Variants in NME5 observed in about 807,000 individuals in gnomAD.
NME5 encodes nucleoside diphosphate kinase 5.
In NME5, 18 loss-of-function variants were observed where a neutral mutation model predicts 21.6. The observed-to-expected ratio is 0.83, with a 90% CI of 0.58 to 1.24. The LOEUF is 1.24. Among genes scored for constraint, NME5 ranks in the 50% most tolerant of loss-of-function variants. NME5 has a pLI of 0.00. For synonymous variants in NME5, 70 were observed against 80.6 expected (o/e 0.87, Z 0.71); for missense variants, 223 against 255.4 (o/e 0.87, Z 0.86).
At chr5:138,136,697 C>CA (rs1264038503) in intron 2 of NME5, among the ~76,000 whole-genome samples, 22 of 151,940 alleles carry the variant, frequency 1.4e-4, no homozygotes, top group African/African-American at 5.3e-4. Flanking sequence ...GGCTGGAGCA[C>CA]AATGGCACGA....
chr5:138,115,771 G>GAAA lies in NME5; in HGVS notation c.556-10_556-8dup. ...GCCAATCAGCTAGCCAAATCTATGG[G>GAAA]AAAAAAAAAAACAACCTAAGTTAAG... On this transcript the variant is annotated splice_region_variant and splice_polypyrimidine_tract_variant and intron_variant, in intron 5 of 5. Coordinates refer to ENST00000265191, the MANE Select transcript of NME5 (RefSeq NM_003551.3). The GAAA allele has an allele frequency of 8.9e-6, 11 of 1,242,732 alleles. No individual in the cohort carries two copies. Among genetic ancestry groups the GAAA allele is most frequent in the South Asian group, 4.8e-5 (3 of 62,422 alleles). The allele number at this position is 1,242,732 out of a possible 1,614,324, so 77.0% of individuals were successfully genotyped here. A position where few individuals can be genotyped will look rare whatever the true frequency, so the allele number is the denominator to read the frequency against.
rs999433536 is a variant in NME5, at chr5:138,138,949, T to C, written c.-5-164A>G. On this transcript the variant is annotated intron_variant, in intron 1 of 5. Transcript: ENST00000265191. The stretch of plus-strand genomic sequence containing the variant: ...AGGTAGAAACTGCCATGTTTTTCTA[T>C]ATACAGGGTCTCAATAATAGGATTC... The C allele has an allele frequency of 5.3e-5, 34 of 636,434 alleles. No individual in the cohort carries two copies. The East Asian group carries it at 1.0e-3, about 19-fold the overall frequency. 39.4% of individuals were successfully genotyped at this position (636,434 alleles called of 1,614,324 possible).
chr5:138,123,621 A>T (rs1341443660), intron 4 of NME5, among the ~76,000 whole-genome samples: 1 of 152,154 alleles, frequency 6.6e-6, no homozygotes, highest in Non-Finnish European at 1.5e-5. Flanking sequence ...CCACTGATGG[A>T]CACTTAGGTT....
chr5:138,137,830 C>G (rs1235673308), intron 2 of NME5, among the ~76,000 whole-genome samples: 2 of 151,564 alleles, frequency 1.3e-5, no homozygotes, highest in East Asian at 3.9e-4. Context: ...AAAACCCCGT[C>G]TCTACTAAAA....
chr5:138,125,380 C>CCA (rs1751373547), intron 4 of NME5, among the ~76,000 whole-genome samples: 4 of 152,090 alleles, frequency 2.6e-5, no homozygotes, highest in Admixed American at 2.0e-4. Flanking sequence ...GGAAAAGAGA[C>CCA]CAGCCTGGGT....
chr5:138,119,771 C>T (rs1000609778), intron 4 of NME5, among the ~76,000 whole-genome samples: 8 of 151,950 alleles, frequency 5.3e-5, no homozygotes, highest in African/African-American at 1.9e-4. Context: ...ATTCTCCTGC[C>T]TCAGCCTCCT....
chr5:138,136,553 A>T (rs968982786), intron 2 of NME5, among the ~76,000 whole-genome samples: 1 of 151,970 alleles, frequency 6.6e-6, no homozygotes, highest in Non-Finnish European at 1.5e-5. Context: ...TGAGTTGCAA[A>T]TCTTTTTCCC....
rs70979581 is a variant in NME5 at position 138,122,441 on chromosome 5, TAAAAAAAAAAA to T, written c.437-3516_437-3506del. ...GGTGACAAGAGCGAAACTCTGTCTC[TAAAAAAAAAAA>T]AAAAAAAAAAAAAAAAATTGTGCCT... On this transcript the variant is annotated intron_variant, in intron 4 of 5. Coordinates refer to ENST00000265191, the MANE Select transcript of NME5 (RefSeq NM_003551.3). 1.1e-3 allele frequency among the ~76,000 whole-genome samples: 38 copies of T among 34,464 alleles called. 1 individual carries two copies. The highest frequency in any genetic ancestry group is 2.4e-3 in the Admixed American group (5 of 2,124). 22.6% of individuals were successfully genotyped at this position (34,464 alleles called of 152,430 possible).
intron 2 of NME5, among the ~76,000 whole-genome samples, chr5:138,134,322 C>A (rs887351603): frequency 6.6e-6 from 1 of 151,868 alleles, no homozygotes; most frequent in African/African-American, 2.4e-5. Context: ...CAGCTCACTG[C>A]AACCTCCGCC....
At chr5:138,129,131 C>T (rs1232866338) in intron 3 of NME5, 132 bp downstream of exon 3, 4 of 673,816 alleles carry the variant, frequency 5.9e-6, no homozygotes, top group African/African-American at 5.5e-5. Flanking sequence ...CCACCCTCTG[C>T]CCCCCAAAAA....
chr5:138,132,733 C>T (rs1581385605), intron 2 of NME5, among the ~76,000 whole-genome samples: 1 of 152,136 alleles, frequency 6.6e-6, no homozygotes, highest in African/African-American at 2.4e-5. Context: ...ACCTAGGTGG[C>T]ATAGCTCTGC....
intron 4 of NME5, chr5:138,123,239 T>A (rs1461682204): frequency 6.6e-6 from 1 of 152,222 alleles, no homozygotes; most frequent in Non-Finnish European, 1.5e-5. Flanking sequence ...ATACTTATCT[T>A]TTTTTGTGGT....
rs748852583 is a variant in NME5, at chr5:138,115,654, T to G, written c.*27A>C. 3 of 1,421,732 alleles carry G rather than the reference T, an allele frequency of 2.1e-6. No homozygotes were observed. The highest frequency in any genetic ancestry group is 2.9e-6 in the Non-Finnish European group (3 of 1,044,608). The allele number at this position is 1,421,732 out of a possible 1,614,324, so 88.1% of individuals were successfully genotyped here. A position where few individuals can be genotyped will look rare whatever the true frequency, so the allele number is the denominator to read the frequency against. On this transcript the variant is annotated 3_prime_UTR_variant, in exon 6 of 6. Transcript: ENST00000265191. ...CAGCCTTTTATAATAAGATAGTTCA[T>G]GATTTGTTCTTTCGAGGATTTTTTT...
chr5:138,127,574 A>G, intron 4 of NME5: 2 of 984,300 alleles, frequency 2.0e-6, no homozygotes, highest in South Asian at 4.7e-5. Flanking sequence ...ATTTTGCTCA[A>G]TGCTTTGCAT....
At position 138,129,330 on chromosome 5, in the gene NME5, T is replaced by A; in HGVS notation, c.268A>T (p.Ile90Phe). Reference sequence around the variant, plus strand: ...CCCAAAAGTTCTAACCAATAAGAGATGGCTTTATGTCTAGCTAATATCATG... The same window carrying A: ...CCCAAAAGTTCTAACCAATAAGAGAAGGCTTTATGTCTAGCTAATATCATG... ...VAMILARHKA[I>F]SYWLELLGPN... The change falls in exon 3 of 6, where the codon ATC (isoleucine) becomes TTC (phenylalanine). Residue 90 changes from isoleucine (I) to phenylalanine (F), a missense_variant. Coordinates refer to ENST00000265191, the MANE Select transcript of NME5 (RefSeq NM_003551.3). 3 of 1,614,068 alleles carry A rather than the reference T, an allele frequency of 1.9e-6. 1 individual carries two copies. Among genetic ancestry groups the A allele is most frequent in the Non-Finnish European group, 2.5e-6 (3 of 1,179,956 alleles).
At chr5:138,134,223 C>T (rs942433380) in intron 2 of NME5, among the ~76,000 whole-genome samples, 5 of 151,752 alleles carry the variant, frequency 3.3e-5, no homozygotes, top group Non-Finnish European at 7.4e-5. Context: ...TACAGGCATG[C>T]GCCACCACGC....
intron 4 of NME5, among the ~76,000 whole-genome samples, chr5:138,126,375 G>T (rs1434477314): frequency 6.6e-6 from 1 of 151,786 alleles, no homozygotes; most frequent in East Asian, 1.9e-4. Context: ...GCCAGGTGTG[G>T]TGGTGCACAC....
At chr5:138,124,255 G>A (rs770073273) in intron 4 of NME5, among the ~76,000 whole-genome samples, 4 of 151,316 alleles carry the variant, frequency 2.6e-5, no homozygotes, top group African/African-American at 7.3e-5. Flanking sequence ...TGCCAGCCTC[G>A]GCCTCCCAAA....
intron 4 of NME5, among the ~76,000 whole-genome samples, chr5:138,124,357 A>G (rs1274155517): frequency 6.6e-6 from 1 of 152,062 alleles, no homozygotes; most frequent in South Asian, 2.1e-4. Flanking sequence ...TTAGAAAAAT[A>G]TCTATTCAAG....
Sources: allele counts gnomAD v4.1 joint callset (sites outside exome capture counted in the v4.1 genomes callset), GRCh38; gene constraint gnomAD v4.1.1; transcripts MANE v1.5; gene names NCBI Gene and HGNC (gene_info 2026-07-23, HGNC 2026-07-21).